Variants in PDE12 observed in about 807,000 individuals in gnomAD.
PDE12 encodes the protein phosphodiesterase 12.
PDE12 carries 26 observed loss-of-function variants against 45.4 expected under a neutral mutation model. That is an observed-to-expected ratio of 0.57 (90% CI 0.42 to 0.79). PDE12 has a LOEUF of 0.79. PDE12 is among the 30% of genes least tolerant of loss of function. The probability of loss-of-function intolerance (pLI) is 0.00; values close to 1 mark genes in which losing one functional copy is unlikely to be tolerated. For missense variants in PDE12, 668 were observed against 790.0 expected (o/e 0.85, Z 1.85); for synonymous variants, 283 against 323.9 (o/e 0.87, Z 1.36).
chr3:57,654,587 G>C, the PDE12 span: 1 of 963,062 alleles, frequency 1.0e-6, no homozygotes, highest in African/African-American at 1.8e-5. Flanking sequence ...AAATGTCCCT[G>C]ACTCTAAGGC....
chr3:57,631,954 C>A, the PDE12 span, among the ~76,000 whole-genome samples: 9 of 148,982 alleles, frequency 6.0e-5, no homozygotes, highest in African/African-American at 2.2e-4. Flanking sequence ...GATCTCCTGA[C>A]CTCGTGATCC....
the PDE12 span, among the ~76,000 whole-genome samples, chr3:57,609,977 A>T: frequency 6.6e-6 from 1 of 152,174 alleles, no homozygotes; most frequent in Non-Finnish European, 1.5e-5. Context: ...TCAATGCAAA[A>T]ATTCTCAATA....
chr3:57,556,556 CCACAAGAACATG>C lies in PDE12; in HGVS notation c.180_191del (p.His60_Met63del). On this transcript the variant is annotated inframe_deletion, in exon 1 of 3. Transcript: ENST00000311180. The surrounding 1 kb of genome is among the most constrained non-coding windows in gnomAD (Gnocchi z 5.0). Reference sequence around the variant, plus strand: ...TGTCATTCGCTTTGGCTGATGGTAGCCACAAGAACATGCAGCGCGACCAGAGCGAGCCGCTGG... The same window carrying C: ...TGTCATTCGCTTTGGCTGATGGTAGCCAGCGCGACCAGAGCGAGCCGCTGG... The C allele has an allele frequency of 6.2e-7, 1 of 1,613,562 alleles. No homozygotes were observed. The highest frequency in any genetic ancestry group is 8.5e-7 in the Non-Finnish European group (1 of 1,180,002).
the PDE12 span, among the ~76,000 whole-genome samples, chr3:57,651,218 T>TGAC: frequency 6.6e-6 from 1 of 152,238 alleles, no homozygotes; most frequent in Non-Finnish European, 1.5e-5. Flanking sequence ...CCTCAACATA[T>TGAC]GACAGACTTA....
chr3:57,569,722 C>T (rs374153028), downstream of PDE12, among the ~76,000 whole-genome samples: 252 of 145,982 alleles, frequency 1.7e-3, no homozygotes, highest in African/African-American at 5.9e-3. Context: ...GTACCAGCTA[C>T]TTGTGGGGCT....
Position 57,560,643 on chromosome 3 carries a change from AAG to A in PDE12, c.*643_*644del. ...ACCCGGCCCTTGTGTACATTTTTAT[AAG>A]AGAATTTTTTTAGCTAGGAGTTCAG... On this transcript the variant is annotated 3_prime_UTR_variant, in exon 3 of 3. Coordinates refer to ENST00000311180, the MANE Select transcript of PDE12 (RefSeq NM_177966.7). 1 of 985,272 alleles carries A rather than the reference AAG, an allele frequency of 1.0e-6. No individual in the cohort carries two copies. The highest frequency in any genetic ancestry group is 1.2e-6 in the Non-Finnish European group (1 of 829,798). The allele number at this position is 985,272 out of a possible 1,614,324, so 61.0% of individuals were successfully genotyped here.
chr3:57,580,759 C>T, the PDE12 span, among the ~76,000 whole-genome samples: 1 of 150,460 alleles, frequency 6.6e-6, no homozygotes, highest in Non-Finnish European at 1.5e-5. Context: ...TGACTGCTAA[C>T]TTCCCATTTT....
the PDE12 span, among the ~76,000 whole-genome samples, chr3:57,612,938 CAT>C: frequency 6.6e-6 from 1 of 152,098 alleles, no homozygotes; most frequent in Admixed American, 6.6e-5. Flanking sequence ...AAAAGGCAAA[CAT>C]TGAGTAAAAA....
intron 2 of PDE12, 87 bp downstream of exon 2, chr3:57,559,475 C>A: frequency 6.4e-7 from 1 of 1,560,428 alleles, no homozygotes; most frequent in Non-Finnish European, 8.8e-7. Context: ...TGAACGTCAC[C>A]CAGAGACTGT....
At chr3:57,642,481 CTA>C in the PDE12 span, among the ~76,000 whole-genome samples, 7 of 152,024 alleles carry the variant, frequency 4.6e-5, no homozygotes, top group African/African-American at 1.7e-4. Flanking sequence ...GCAGAACAAA[CTA>C]TGTGCAAAGC....
the PDE12 span, among the ~76,000 whole-genome samples, chr3:57,618,627 T>TTTTTTTTTTTTG: frequency 2.2e-5 from 3 of 136,842 alleles, no homozygotes; most frequent in Non-Finnish European, 3.2e-5. Flanking sequence ...TTTTTTTTTT[T>TTTTTTTTTTTTG]GAGATGGAGT....
the PDE12 span, among the ~76,000 whole-genome samples, chr3:57,573,603 G>A: frequency 6.6e-6 from 1 of 152,110 alleles, no homozygotes; most frequent in Non-Finnish European, 1.5e-5. Context: ...TTGTTTTGAG[G>A]CAGAGTACTC....
chr3:57,598,751 AGCCT>A, the PDE12 span, among the ~76,000 whole-genome samples: 1 of 152,168 alleles, frequency 6.6e-6, no homozygotes, highest in Admixed American at 6.6e-5. Context: ...CCTGCACTCC[AGCCT>A]GGGCGACAGA....
At chr3:57,577,418 C>T in the PDE12 span, 4 of 1,561,080 alleles carry the variant, frequency 2.6e-6, no homozygotes, top group African/African-American at 4.1e-5. Flanking sequence ...TAAATTTTAA[C>T]AGTTAAACGA....
chr3:57,644,489 G>T, the PDE12 span, among the ~76,000 whole-genome samples: 1 of 150,668 alleles, frequency 6.6e-6, no homozygotes, highest in Admixed American at 6.7e-5. Flanking sequence ...TATTTTTTTT[G>T]TGGAGACAGG....
chr3:57,597,872 C>A, the PDE12 span: 1 of 152,250 alleles, frequency 6.6e-6, no homozygotes, highest in African/African-American at 2.4e-5. Flanking sequence ...GAAGACCGGT[C>A]CGGTCTTTTG....
At chr3:57,589,621 G>C in the PDE12 span, among the ~76,000 whole-genome samples, 1 of 151,936 alleles carries the variant, frequency 6.6e-6, no homozygotes, top group South Asian at 2.1e-4. Flanking sequence ...GGGAGGCTGA[G>C]GCAGGAGAAT....
chr3:57,622,166 A>C, the PDE12 span, among the ~76,000 whole-genome samples: 1 of 152,134 alleles, frequency 6.6e-6, no homozygotes, highest in Non-Finnish European at 1.5e-5. Flanking sequence ...ACAGAGTGAG[A>C]CTCTGTCTCA....
downstream of PDE12, among the ~76,000 whole-genome samples, chr3:57,568,667 C>A (rs562212723): frequency 6.6e-6 from 1 of 151,176 alleles, no homozygotes; most frequent in South Asian, 2.1e-4. Flanking sequence ...AGGATCCTCC[C>A]GCCTCAGCCT....
Sources: allele counts gnomAD v4.1 joint callset (sites outside exome capture counted in the v4.1 genomes callset), GRCh38; gene constraint gnomAD v4.1.1; non-coding constraint Gnocchi (gnomAD v3.1); transcripts MANE v1.5; gene names NCBI Gene and HGNC (gene_info 2026-07-23, HGNC 2026-07-21).